The following C2orf74 variants were observed in gnomAD, a reference collection of about 807,000 sequenced individuals.
C2orf74 encodes the protein DPM1 ER membrane anchor 1, also known as uncharacterized protein C2orf74.
In C2orf74, 14 loss-of-function variants were observed where a neutral mutation model predicts 17.9. The observed-to-expected ratio is 0.78, with a 90% confidence interval of 0.52 to 1.22. The LOEUF (loss-of-function observed/expected upper bound fraction) is 1.22, where lower values mean the gene tolerates loss of function less well. C2orf74 is among the 50% of genes most tolerant of loss of function. The pLI, the probability that C2orf74 is intolerant of heterozygous loss-of-function variation, is 0.00. For missense variants in C2orf74, 217 were observed against 218.4 expected (o/e 0.99, Z 0.04); for synonymous variants, 79 against 72.6 (o/e 1.09, Z -0.44).
Position 61,164,221 on chromosome 2 carries a change from T to C in C2orf74, c.391-133T>C, listed in dbSNP as rs138815782. On this transcript the variant is annotated intron_variant, in intron 4 of 4. Transcript: ENST00000432605. ...GTGAAAATGTGATCATGATGGATTA[T>C]TGCTACTTTCCTATATCATTTAGAA... 1.9e-4 allele frequency: 126 copies of C among 664,952 alleles called. 1 individual carries two copies. In the African/African-American group the frequency reaches 2.3e-3, roughly 12 times the overall value. The allele number at this position is 664,952 out of a possible 1,614,324, so 41.2% of individuals were successfully genotyped here. A position where few individuals can be genotyped will look rare whatever the true frequency, so the allele number is the denominator to read the frequency against.
intron 1 of C2orf74, among the ~76,000 whole-genome samples, chr2:61,149,749 T>G (rs1685172619): frequency 6.6e-6 from 1 of 151,930 alleles, no homozygotes; most frequent in Non-Finnish European, 1.5e-5. Context: ...TGACTAATTT[T>G]GTATTTTTTT....
intron 1 of C2orf74, among the ~76,000 whole-genome samples, chr2:61,155,767 G>A (rs1051342082): frequency 1.3e-5 from 2 of 152,028 alleles, no homozygotes. Flanking sequence ...TTATCCACCC[G>A]GCTTGGCCTC....
At chr2:61,159,137 C>T (rs1685487349), upstream of C2orf74, among the ~76,000 whole-genome samples, 1 of 151,992 alleles carries the variant, frequency 6.6e-6, no homozygotes, top group Non-Finnish European at 1.5e-5. Context: ...GCTGGGACTA[C>T]AGATGCGTGC....
chr2:61,155,962 G>C (rs1170806752), intron 1 of C2orf74, among the ~76,000 whole-genome samples: 1 of 152,076 alleles, frequency 6.6e-6, no homozygotes, highest in Non-Finnish European at 1.5e-5. Flanking sequence ...ACTTTAGGAG[G>C]CCAAGTGGAA....
chr2:61,145,610 G>C (rs1041959688), intron 1 of C2orf74, among the ~76,000 whole-genome samples: 1 of 152,136 alleles, frequency 6.6e-6, no homozygotes, highest in Non-Finnish European at 1.5e-5. Flanking sequence ...TTTTAGTAGA[G>C]ATGGGGTTCA....
At chr2:61,152,248 C>T (rs999154755) in intron 1 of C2orf74, 2 of 152,274 alleles carry the variant, frequency 1.3e-5, no homozygotes, top group African/African-American at 2.4e-5. Flanking sequence ...GTTTACTAAA[C>T]ATTACCAAGC....
intron 1 of C2orf74, among the ~76,000 whole-genome samples, chr2:61,145,672 C>T (rs1685048281): frequency 6.6e-6 from 1 of 152,182 alleles, no homozygotes; most frequent in Non-Finnish European, 1.5e-5. Flanking sequence ...ATCGGCCTGC[C>T]TCAGACTCCC....
intron 1 of C2orf74, among the ~76,000 whole-genome samples, chr2:61,146,206 G>A (rs1471775280): frequency 6.6e-6 from 1 of 152,220 alleles, no homozygotes. Context: ...ATGAAAAAGA[G>A]TGAGGAATCA....
upstream of C2orf74, among the ~76,000 whole-genome samples, chr2:61,158,254 C>T (rs1202463002): frequency 6.6e-6 from 1 of 152,104 alleles, no homozygotes; most frequent in African/African-American, 2.4e-5. Flanking sequence ...AGTTAGAAAA[C>T]AGGTTTTGTT....
At chr2:61,154,234 CA>C (rs34669899) in intron 1 of C2orf74, among the ~76,000 whole-genome samples, 7,663 of 131,686 alleles carry the variant, frequency 0.058, 654 homozygotes, top group African/African-American at 0.19. Context: ...AATTCTGTCT[CA>C]AAAAAAAAAA....
At chr2:61,157,515 A>G (rs1685427042), upstream of C2orf74, among the ~76,000 whole-genome samples, 1 of 152,290 alleles carries the variant, frequency 6.6e-6, no homozygotes, top group Non-Finnish European at 1.5e-5. Flanking sequence ...AGCTTAAGCC[A>G]AAAAGGAAAG....
intron 1 of C2orf74, among the ~76,000 whole-genome samples, chr2:61,147,831 G>A (rs1233013761): frequency 6.6e-6 from 1 of 151,724 alleles, no homozygotes; most frequent in Non-Finnish European, 1.5e-5. Flanking sequence ...GCAGTGGTGT[G>A]ATCTTGGCTC....
At position 61,162,304 on chromosome 2, in the gene C2orf74, G is replaced by T; in HGVS notation, c.-116G>T. 1 of 582,182 alleles carries T rather than the reference G, an allele frequency of 1.7e-6. No individual in the cohort carries two copies. The highest frequency in any genetic ancestry group is 3.4e-5 in the Admixed American group (1 of 29,748). 36.1% of individuals were successfully genotyped at this position (582,182 alleles called of 1,614,324 possible). On this transcript the variant is annotated 5_prime_UTR_variant, in exon 1 of 5. An upstream open reading frame in the 5' UTR gains an earlier in-frame stop. Coordinates refer to ENST00000432605, the MANE Select transcript of C2orf74 (RefSeq NM_001143959.4). ...CACCTCAGCCCCCACCACAGTTATG[G>T]AGAGAAATTAGCCAGTGTGAGTCAA...
chr2:61,151,777 C>T (rs1048993713), intron 1 of C2orf74: 4 of 152,210 alleles, frequency 2.6e-5, no homozygotes, highest in Admixed American at 6.5e-5. Flanking sequence ...AACTCACAGA[C>T]CCTCACTTTT....
At chr2:61,160,031 T>C (rs1171738659), upstream of C2orf74, among the ~76,000 whole-genome samples, 2 of 152,240 alleles carry the variant, frequency 1.3e-5, no homozygotes, top group Non-Finnish European at 2.9e-5. Flanking sequence ...TCTGTGTCTA[T>C]GAATTTGACT....
chr2:61,158,385 C>T (rs1685460927), upstream of C2orf74, among the ~76,000 whole-genome samples: 1 of 152,222 alleles, frequency 6.6e-6, no homozygotes, highest in South Asian at 2.1e-4. Context: ...CACTTCCCAG[C>T]ATGCCTGGGA....
chr2:61,149,665 G>A (rs1685169816), intron 1 of C2orf74, among the ~76,000 whole-genome samples: 2 of 139,844 alleles, frequency 1.4e-5, no homozygotes, highest in South Asian at 4.7e-4. Context: ...TGCAACTTAC[G>A]CCTCCCAGGT....
At chr2:61,160,351 G>A (rs1685526424), upstream of C2orf74, among the ~76,000 whole-genome samples, 1 of 152,070 alleles carries the variant, frequency 6.6e-6, no homozygotes, top group African/African-American at 2.4e-5. Flanking sequence ...AGTAGAGATG[G>A]GGTTTCACCA....
intron 1 of C2orf74, among the ~76,000 whole-genome samples, chr2:61,153,312 G>A (rs991878050): frequency 1.3e-5 from 2 of 152,028 alleles, no homozygotes; most frequent in Admixed American, 6.5e-5. Flanking sequence ...ACGGAGTCTC[G>A]CTCAGTCACC....
Sources: gnomAD v4.1 joint callset for allele counts (sites outside exome capture counted in the v4.1 genomes callset) on GRCh38, gnomAD v4.1.1 for gene constraint, MANE v1.5 for transcripts, NCBI Gene and HGNC (gene_info 2026-07-23, HGNC 2026-07-21) for gene names.